Variants in ITFG1 observed in about 807,000 individuals in gnomAD.
ITFG1 encodes T-cell immunomodulatory protein.
In ITFG1, 34 loss-of-function variants were observed where a neutral mutation model predicts 81.8. That is an observed-to-expected ratio of 0.42 (90% CI 0.32 to 0.55). ITFG1 has a LOEUF of 0.55. Among genes scored for constraint, ITFG1 ranks in the 20% least tolerant of loss-of-function variants. The pLI, the probability that ITFG1 is intolerant of heterozygous loss-of-function variation, is 0.17. For missense variants in ITFG1, 672 were observed against 755.4 expected (o/e 0.89, Z 1.29); for synonymous variants, 285 against 270.6 (o/e 1.05, Z -0.52).
chr16:47,365,731 A>G (rs1968168134), intron 8 of ITFG1, 57 bp downstream of exon 8: 5 of 1,003,700 alleles, frequency 5.0e-6, no homozygotes, highest in Non-Finnish European at 7.8e-6. Context: ...TAGAACAGAA[A>G]GAAGGAGAGA....
At chr16:47,280,504 T>C (rs1445733329) in intron 10 of ITFG1, among the ~76,000 whole-genome samples, 2 of 152,168 alleles carry the variant, frequency 1.3e-5, no homozygotes, top group Non-Finnish European at 2.9e-5. Context: ...TTTGGTATAA[T>C]GGGAAATATA....
chr16:47,376,964 C>CAAA (rs1222007051), intron 6 of ITFG1, among the ~76,000 whole-genome samples: 1,681 of 18,048 alleles, frequency 0.093, 609 homozygotes, highest in African/African-American at 0.19. Context: ...TCTGTCTCCC[C>CAAA]AAAAAAAAAA....
chr16:47,192,253 A>G (rs897642118), intron 14 of ITFG1, among the ~76,000 whole-genome samples: 3 of 152,214 alleles, frequency 2.0e-5, no homozygotes, highest in Non-Finnish European at 2.9e-5. Context: ...TAAAAGGAAC[A>G]TGGTAAGTAG....
intron 6 of ITFG1, among the ~76,000 whole-genome samples, chr16:47,407,137 T>C (rs1362295454): frequency 6.6e-6 from 1 of 152,214 alleles, no homozygotes; most frequent in Non-Finnish European, 1.5e-5. Context: ...AAGAGTCATT[T>C]ACATTTATAA....
In ITFG1 at chr16:47,258,705, A is replaced by C; in HGVS notation, c.1257T>G (p.Tyr419Ter). 6.4e-7 allele frequency: 1 copy of C among 1,558,292 alleles called. No homozygotes were observed. The highest frequency in any genetic ancestry group is 8.7e-7 in the Non-Finnish European group (1 of 1,145,496). ...TATGAATGGCAAAATCATTCTTTGTATATCCTTTACTTAGCACTACAATGT... is the reference window on the plus strand; with the variant it reads ...TATGAATGGCAAAATCATTCTTTGTCTATCCTTTACTTAGCACTACAATGT... ...ILDIVVLSKG[Y>*]TKNDFAIHTL... Residue 419 changes from tyrosine to a stop codon, truncating the protein, a stop_gained, in exon 12 of 18, where the codon TAT becomes TAG. Coordinates refer to ENST00000320640, the MANE Select transcript of ITFG1 (RefSeq NM_030790.5). LOFTEE classifies it high-confidence loss of function.
At chr16:47,381,433 T>C (rs1030916839) in intron 6 of ITFG1, among the ~76,000 whole-genome samples, 16 of 152,190 alleles carry the variant, frequency 1.1e-4, no homozygotes, top group African/African-American at 7.2e-5. Context: ...TGGATAGTAA[T>C]AGTTACTATT....
chr16:47,260,940 A>G (rs573341990), intron 10 of ITFG1, among the ~76,000 whole-genome samples: 1 of 152,198 alleles, frequency 6.6e-6, no homozygotes, highest in African/African-American at 2.4e-5. Context: ...TTTTCTATGG[A>G]GTTTCCAAGT....
chr16:47,273,798 ATTT>A (rs1966368356), intron 10 of ITFG1, among the ~76,000 whole-genome samples: 2 of 151,868 alleles, frequency 1.3e-5, no homozygotes, highest in Non-Finnish European at 1.5e-5. Context: ...TTGTTTATTT[ATTT>A]ATTTATTTAT....
chr16:47,416,746 T>C (rs1968880412), intron 6 of ITFG1, among the ~76,000 whole-genome samples: 2 of 152,194 alleles, frequency 1.3e-5, no homozygotes, highest in Non-Finnish European at 2.9e-5. Context: ...CTCCTGAGGC[T>C]TCCCCAGAAG....
chr16:47,355,583 T>G (rs1270826858), intron 8 of ITFG1, among the ~76,000 whole-genome samples: 1 of 152,194 alleles, frequency 6.6e-6, no homozygotes, highest in African/African-American at 2.4e-5. Flanking sequence ...ATTTGCTAAT[T>G]ACTGATTTGA....
At chr16:47,441,318 A>T (rs1323954954) in intron 5 of ITFG1, among the ~76,000 whole-genome samples, 2 of 152,196 alleles carry the variant, frequency 1.3e-5, no homozygotes, top group African/African-American at 4.8e-5. Context: ...AATCCTCCCT[A>T]ACTCATTTTA....
intron 14 of ITFG1, among the ~76,000 whole-genome samples, chr16:47,184,648 C>G (rs1033100511): frequency 2.0e-5 from 3 of 152,054 alleles, no homozygotes; most frequent in African/African-American, 7.3e-5. Flanking sequence ...TGGAAAGGAA[C>G]AACTGGTACC....
Position 47,347,616 on chromosome 16 carries a change from G to A in ITFG1, c.802+18172C>T, listed in dbSNP as rs543244310. Among the ~76,000 whole-genome samples the A allele has an allele frequency of 2.6e-5, 4 of 152,332 alleles. No individual in the cohort carries two copies. The South Asian group carries it at 8.3e-4, about 32-fold the overall frequency. On this transcript the variant is annotated intron_variant, in intron 8 of 17. Transcript: ENST00000320640. ...CTGCCTCTGTAGACTCCACCTCTGG[G>A]GGCAGGGCATAGCCGAACAAAGGGC...
chr16:47,434,149 G>A (rs1969132988), intron 5 of ITFG1, among the ~76,000 whole-genome samples: 1 of 151,156 alleles, frequency 6.6e-6, no homozygotes, highest in Non-Finnish European at 1.5e-5. Flanking sequence ...ACAGGCATAG[G>A]CAAATATTTC....
At chr16:47,436,509 A>G (rs1969168584) in intron 5 of ITFG1, among the ~76,000 whole-genome samples, 1 of 152,290 alleles carries the variant, frequency 6.6e-6, no homozygotes, top group East Asian at 1.9e-4. Context: ...TTTAAAATAT[A>G]TTAGTTTATT....
chr16:47,320,214 T>C (rs561681507), intron 8 of ITFG1, among the ~76,000 whole-genome samples: 1 of 152,342 alleles, frequency 6.6e-6, no homozygotes, highest in South Asian at 2.1e-4. Context: ...GTGGTTTTAA[T>C]TTTTGTTTTC....
chr16:47,380,869 T>C (rs1367335615), intron 6 of ITFG1, among the ~76,000 whole-genome samples: 1 of 152,244 alleles, frequency 6.6e-6, no homozygotes, highest in Non-Finnish European at 1.5e-5. Context: ...GATCACATCA[T>C]GATTTCATGA....
At chr16:47,352,607 G>A (rs1371469677) in intron 8 of ITFG1, among the ~76,000 whole-genome samples, 1 of 152,178 alleles carries the variant, frequency 6.6e-6, no homozygotes, top group Non-Finnish European at 1.5e-5. Flanking sequence ...TATACTGTTG[G>A]TGGGACCGTA....
chr16:47,399,216 T>C (rs1968628827), intron 6 of ITFG1, among the ~76,000 whole-genome samples: 1 of 152,232 alleles, frequency 6.6e-6, no homozygotes, highest in Admixed American at 6.5e-5. Flanking sequence ...CATTTTATTT[T>C]CCTTCTTTAA....
Sources: allele counts gnomAD v4.1 joint callset (sites outside exome capture counted in the v4.1 genomes callset), GRCh38; gene constraint gnomAD v4.1.1; transcripts MANE v1.5; gene names NCBI Gene and HGNC (gene_info 2026-07-23, HGNC 2026-07-21).